NWD2: variants seen among roughly 807,000 people sequenced by gnomAD.
NWD2 encodes NACHT and WD repeat domain containing 2.
Under a neutral mutation model 132.7 loss-of-function variants are expected in NWD2, and 37 were observed. The observed-to-expected ratio is 0.28, with a 90% CI of 0.21 to 0.37. NWD2 has a LOEUF of 0.37. NWD2 is among the 10% of genes least tolerant of loss of function. The probability of loss-of-function intolerance (pLI) is 1.00; values close to 1 mark genes in which losing one functional copy is unlikely to be tolerated. For missense variants in NWD2, 1,592 were observed against 2,122.4 expected, an observed-to-expected ratio of 0.75 and a Z score of 4.91; for synonymous variants, 705 against 803.0, an observed-to-expected ratio of 0.88 and a Z score of 2.06.
At chr4:37,274,984 A>T (rs184899126) in intron 1 of NWD2, among the ~76,000 whole-genome samples, 119 of 152,134 alleles carry the variant, frequency 7.8e-4, no homozygotes, top group African/African-American at 2.7e-3. Flanking sequence ...TACTGAATGG[A>T]CAAAAACTGG....
chr4:37,366,787 A>G (rs1466077441), intron 3 of NWD2, among the ~76,000 whole-genome samples: 4 of 152,180 alleles, frequency 2.6e-5, no homozygotes, highest in Non-Finnish European at 4.4e-5. Context: ...TTCAACAGAA[A>G]AATGTAATAT....
chr4:37,266,682 A>C (rs1717758115), intron 1 of NWD2, among the ~76,000 whole-genome samples: 2 of 152,056 alleles, frequency 1.3e-5, no homozygotes, highest in African/African-American at 4.8e-5. Context: ...TGACTTCTCA[A>C]ACCCCATTAT....
At chr4:37,376,830 C>T (rs1198707139) in intron 3 of NWD2, among the ~76,000 whole-genome samples, 2 of 152,056 alleles carry the variant, frequency 1.3e-5, no homozygotes, top group African/African-American at 4.8e-5. Context: ...TTTTGCATGA[C>T]CTTATTATTC....
chr4:37,365,769 AACTTTT>A, intron 3 of NWD2, among the ~76,000 whole-genome samples: 1 of 152,362 alleles, frequency 6.6e-6, no homozygotes, highest in Middle Eastern at 3.4e-3. Context: ...TTCCACAGTA[AACTTTT>A]ACTAACATAT....
In NWD2 at chr4:37,439,920, T is replaced by C. The variant is rs1287641509; in HGVS notation, c.1296+530T>C. On this transcript the variant is annotated intron_variant, in intron 6 of 6. Coordinates refer to ENST00000309447, the MANE Select transcript of NWD2 (RefSeq NM_001144990.2). The surrounding 1 kb of genome is among the most constrained non-coding windows in gnomAD (Gnocchi z 4.5). The stretch of plus-strand genomic sequence containing the variant: ...CTCTCCTTTCCTAATCCCAATGACA[T>C]TTATGATTCCTATAAAGTCACAGTT... Among the ~76,000 whole-genome samples, 1 of 152,198 alleles carries C rather than the reference T, an allele frequency of 6.6e-6. No homozygotes were observed. The highest frequency in any genetic ancestry group is 1.9e-4 in the East Asian group (1 of 5,190).
chr4:37,429,109 G>T (rs974131775), intron 3 of NWD2, among the ~76,000 whole-genome samples: 1 of 152,026 alleles, frequency 6.6e-6, no homozygotes, highest in African/African-American at 2.4e-5. Flanking sequence ...ACCAAAAAAA[G>T]GTTTTTAATA....
At chr4:37,252,490 A>C (rs1717397214) in intron 1 of NWD2, among the ~76,000 whole-genome samples, 1 of 152,122 alleles carries the variant, frequency 6.6e-6, no homozygotes, top group Non-Finnish European at 1.5e-5. Context: ...CTATGTATCT[A>C]CTCATCCCAA....
chr4:37,300,860 C>T (rs1236308057), intron 1 of NWD2, among the ~76,000 whole-genome samples: 2 of 151,960 alleles, frequency 1.3e-5, no homozygotes, highest in African/African-American at 2.4e-5. Context: ...TACTTCTGTC[C>T]TTTTTAACTC....
At chr4:37,410,578 T>A (rs1285854660) in intron 3 of NWD2, among the ~76,000 whole-genome samples, 1 of 151,656 alleles carries the variant, frequency 6.6e-6, no homozygotes, top group African/African-American at 2.4e-5. Flanking sequence ...ACTGTCAGTA[T>A]TAGATCAACA....
At chr4:37,418,300 T>TATAA (rs71185139) in intron 3 of NWD2, among the ~76,000 whole-genome samples, 149,398 of 152,114 alleles carry the variant, frequency 0.98, 73,410 homozygotes, top group Middle Eastern at 1. Context: ...TCCATACTAA[T>TATAA]ATAAACTGTT....
intron 3 of NWD2, among the ~76,000 whole-genome samples, chr4:37,397,269 T>C (rs572115001): frequency 2.6e-5 from 4 of 152,146 alleles, no homozygotes; most frequent in Admixed American, 6.5e-5. Flanking sequence ...GGAAAGTCCT[T>C]GTGAGGGTTA....
intron 3 of NWD2, among the ~76,000 whole-genome samples, chr4:37,377,228 G>A (rs2109307305): frequency 6.6e-6 from 1 of 152,264 alleles, no homozygotes; most frequent in Non-Finnish European, 1.5e-5. Context: ...CAAAAATGTA[G>A]CAACCCCACA....
intron 1 of NWD2, among the ~76,000 whole-genome samples, chr4:37,313,446 T>TGGTGGGA (rs1718892008): frequency 6.6e-6 from 1 of 151,158 alleles, no homozygotes; most frequent in Non-Finnish European, 1.5e-5. Flanking sequence ...CTGATGGTAG[T>TGGTGGGA]TTGTATTTCT....
chr4:37,364,691 TACACACACACACACACACACAC>T (rs57981065), intron 3 of NWD2, among the ~76,000 whole-genome samples: 1 of 146,594 alleles, frequency 6.8e-6, no homozygotes, highest in African/African-American at 2.5e-5. Flanking sequence ...TACCTCCACT[TACACACACACACACACACACAC>T]ACACACACAC....
intron 3 of NWD2, among the ~76,000 whole-genome samples, chr4:37,400,600 T>A (rs1334966073): frequency 1.7e-4 from 26 of 152,250 alleles, no homozygotes. Context: ...AATTTCCCTA[T>A]ATGCCTGCTC....
At chr4:37,360,561 C>T (rs370368138) in intron 3 of NWD2, among the ~76,000 whole-genome samples, 1 of 152,182 alleles carries the variant, frequency 6.6e-6, no homozygotes, top group Admixed American at 6.5e-5. Flanking sequence ...ACCAAGGCAG[C>T]CCCTAGCAGG....
chr4:37,371,078 C>CTTTTTTTTT (rs11378524), intron 3 of NWD2, among the ~76,000 whole-genome samples: 24 of 121,168 alleles, frequency 2.0e-4, no homozygotes, highest in African/African-American at 4.7e-4. Context: ...TTTTCTTTTT[C>CTTTTTTTTT]TTTTTTTTTT....
At chr4:37,372,051 A>G (rs945834107) in intron 3 of NWD2, among the ~76,000 whole-genome samples, 3 of 152,184 alleles carry the variant, frequency 2.0e-5, no homozygotes, top group Non-Finnish European at 4.4e-5. Flanking sequence ...AAAATATGCT[A>G]TGATGGAATC....
chr4:37,383,357 A>G (rs548942666), intron 3 of NWD2, among the ~76,000 whole-genome samples: 19 of 152,310 alleles, frequency 1.2e-4, no homozygotes, highest in Non-Finnish European at 2.4e-4. Flanking sequence ...GGTGAAAAAT[A>G]ATGAAATTAT....
Sources: gnomAD v4.1 joint callset for allele counts (sites outside exome capture counted in the v4.1 genomes callset) on GRCh38, gnomAD v4.1.1 for gene constraint, Gnocchi (gnomAD v3.1) non-coding constraint, MANE v1.5 for transcripts, NCBI Gene and HGNC (gene_info 2026-07-23, HGNC 2026-07-21) for gene names.